ZFHX3: variants seen among roughly 807,000 people sequenced by gnomAD.
ZFHX3 encodes the protein zinc finger homeobox 3.
Under a neutral mutation model 279.1 loss-of-function variants are expected in ZFHX3, and 42 were observed. The observed-to-expected ratio is 0.15, with a 90% CI of 0.12 to 0.19. The LOEUF (loss-of-function observed/expected upper bound fraction) is 0.19, where lower values mean the gene tolerates loss of function less well. ZFHX3 is among the 10% of genes least tolerant of loss of function. The pLI is 1.00. For synonymous variants in ZFHX3, 2,293 were observed against 1,957.8 expected, an observed-to-expected ratio of 1.17 and a Z score of -4.52; for missense variants, 4,981 against 4,754.0, an observed-to-expected ratio of 1.05 and a Z score of -1.40.
intron 7 of ZFHX3, chr16:73,125,383 T>C (rs997244524): frequency 6.6e-5 from 10 of 152,044 alleles, no homozygotes; most frequent in African/African-American, 2.4e-4. Context: ...AGCCACTTTA[T>C]GGGGTAGGTA....
intron 4 of ZFHX3, among the ~76,000 whole-genome samples, chr16:72,835,918 A>G (rs916959177): frequency 3.3e-5 from 5 of 152,236 alleles, no homozygotes; most frequent in Admixed American, 6.5e-5. Context: ...AATATTCTAC[A>G]GAATATGCAG....
chr16:73,303,963 G>GAAAA (rs201865011), intron 4 of ZFHX3, among the ~76,000 whole-genome samples: 7 of 76,116 alleles, frequency 9.2e-5, no homozygotes, highest in African/African-American at 2.8e-4. Flanking sequence ...ACCCTAGGTG[G>GAAAA]AAAAAAAAAA....
At chr16:73,273,389 A>G (rs925520441) in intron 4 of ZFHX3, among the ~76,000 whole-genome samples, 2 of 152,252 alleles carry the variant, frequency 1.3e-5, no homozygotes, top group African/African-American at 2.4e-5. Flanking sequence ...AGAAAATTCA[A>G]CTTAAAAATA....
Position 73,606,264 on chromosome 16 carries a change from T to C in ZFHX3, c.-1547+73916A>G, listed in dbSNP as rs369315621. On this transcript the variant is annotated intron_variant, in intron 2 of 17. Transcript: ENST00000641206. ...GGCTCACGCCTGTAATCCCAACACT[T>C]TAGGAGGCCGAGGTGGGCAGGTCAC... 5.1e-4 allele frequency among the ~76,000 whole-genome samples: 76 copies of C among 147,680 alleles called. No homozygotes were observed. The South Asian group carries it at 0.015, about 29-fold the overall frequency.
intron 3 of ZFHX3, among the ~76,000 whole-genome samples, chr16:73,331,421 T>C (rs1211071250): frequency 1.3e-5 from 2 of 152,180 alleles, no homozygotes; most frequent in Non-Finnish European, 2.9e-5. Flanking sequence ...GGCAAGAATG[T>C]GTTAACTATT....
At chr16:73,041,335 C>T (rs576215844) in intron 1 of ZFHX3, among the ~76,000 whole-genome samples, 46 of 150,444 alleles carry the variant, frequency 3.1e-4, no homozygotes, top group Admixed American at 2.1e-3. Flanking sequence ...TCTGCTTTCC[C>T]CAAATATACC....
chr16:72,988,437 G>A (rs1962937511), intron 1 of ZFHX3, among the ~76,000 whole-genome samples: 1 of 152,172 alleles, frequency 6.6e-6, no homozygotes, highest in Non-Finnish European at 1.5e-5. Flanking sequence ...TCGAGGGGTC[G>A]ATATGCAGGC....
intron 3 of ZFHX3, among the ~76,000 whole-genome samples, chr16:73,383,355 A>G (rs1255273470): frequency 6.6e-6 from 1 of 152,206 alleles, no homozygotes; most frequent in African/African-American, 2.4e-5. Flanking sequence ...AGCCCGAGGC[A>G]AAAAGCCGAG....
intron 5 of ZFHX3, among the ~76,000 whole-genome samples, chr16:73,173,626 C>T (rs1422390901): frequency 6.6e-6 from 1 of 152,128 alleles, no homozygotes; most frequent in East Asian, 1.9e-4. Flanking sequence ...CCTATAAAAC[C>T]CAGATGAAGA....
At chr16:73,310,441 C>G (rs947910409) in intron 4 of ZFHX3, among the ~76,000 whole-genome samples, 1 of 152,226 alleles carries the variant, frequency 6.6e-6, no homozygotes, top group Non-Finnish European at 1.5e-5. Context: ...TGCTCTTGCT[C>G]TCTCCTTTCC....
At chr16:73,854,839 T>C (rs886417774) in intron 1 of ZFHX3, among the ~76,000 whole-genome samples, 1 of 151,382 alleles carries the variant, frequency 6.6e-6, no homozygotes, top group Non-Finnish European at 1.5e-5. Context: ...ATTGCACTTG[T>C]ATCTGGGTTT....
At chr16:73,211,111 G>A (rs2012000222) in intron 5 of ZFHX3, among the ~76,000 whole-genome samples, 1 of 152,112 alleles carries the variant, frequency 6.6e-6, no homozygotes, top group South Asian at 2.1e-4. Flanking sequence ...GTCGTGGGTT[G>A]GTTCTGATCT....
At chr16:72,801,766 C>T (rs2036107494) in intron 7 of ZFHX3, among the ~76,000 whole-genome samples, 1 of 152,160 alleles carries the variant, frequency 6.6e-6, no homozygotes, top group Admixed American at 6.5e-5. Context: ...GATTGCCAAA[C>T]TCATTCCATC....
At chr16:72,882,977 G>GGTGTGTGTGTGTGTGTGTGTGT (rs56328056) in intron 4 of ZFHX3, among the ~76,000 whole-genome samples, 3 of 65,390 alleles carry the variant, frequency 4.6e-5, no homozygotes, top group Non-Finnish European at 8.6e-5. Flanking sequence ...ACCACTCTGG[G>GGTGTGTGTGTGTGTGTGTGTGT]GTGTGTGTGT....
chr16:72,980,085 C>T (rs1223415676), intron 1 of ZFHX3, among the ~76,000 whole-genome samples: 3 of 152,198 alleles, frequency 2.0e-5, no homozygotes, highest in Admixed American at 6.5e-5. Context: ...GCCAGCTAGT[C>T]TCACTGTTTC....
chr16:73,004,762 C>T (rs751152460), intron 1 of ZFHX3, among the ~76,000 whole-genome samples: 18 of 152,146 alleles, frequency 1.2e-4, no homozygotes, highest in Non-Finnish European at 2.1e-4. Context: ...AAGTAGACTA[C>T]ATCAATCTTT....
At chr16:73,243,854 G>A (rs2013200493) in intron 5 of ZFHX3, among the ~76,000 whole-genome samples, 1 of 152,046 alleles carries the variant, frequency 6.6e-6, no homozygotes, top group African/African-American at 2.4e-5. Context: ...TACTTATTTG[G>A]AATTGATAAT....
At chr16:73,390,289 A>G (rs1019553927) in intron 3 of ZFHX3, among the ~76,000 whole-genome samples, 14 of 152,116 alleles carry the variant, frequency 9.2e-5, no homozygotes, top group Non-Finnish European at 2.1e-4. Flanking sequence ...GTGCTTTCTC[A>G]AGATGAGCAT....
intron 3 of ZFHX3, among the ~76,000 whole-genome samples, chr16:73,337,476 T>C (rs1042691117): frequency 2.6e-5 from 4 of 152,132 alleles, no homozygotes; most frequent in African/African-American, 9.7e-5. Flanking sequence ...GCTACTGTTC[T>C]CCAAAGCCTC....
Sources: gnomAD v4.1 joint callset for allele counts (sites outside exome capture counted in the v4.1 genomes callset) on GRCh38, gnomAD v4.1.1 for gene constraint, MANE v1.5 for transcripts, NCBI Gene and HGNC (gene_info 2026-07-23, HGNC 2026-07-21) for gene names.